PRSS23: variants seen among roughly 807,000 people sequenced by gnomAD.
PRSS23 encodes serine protease 23, also known as protease, serine 23.
Under a neutral mutation model 34.7 loss-of-function variants are expected in PRSS23, and 25 were observed. The observed-to-expected ratio is 0.72, with a 90% confidence interval of 0.53 to 1.01. PRSS23 has a LOEUF of 1.01. PRSS23 is among the 50% of genes least tolerant of loss of function. The probability of loss-of-function intolerance (pLI) is 0.00; values close to 1 mark genes in which losing one functional copy is unlikely to be tolerated. For synonymous variants in PRSS23, 176 were observed against 186.6 expected (o/e 0.94, Z 0.46); for missense variants, 445 against 475.6 (o/e 0.94, Z 0.60).
intron 2 of PRSS23, chr11:86,939,205 G>C (rs940107511): frequency 1.0e-5 from 3 of 298,410 alleles, no homozygotes; most frequent in Non-Finnish European, 2.0e-5. Flanking sequence ...TGTAAGGAGT[G>C]TGTTTTCTCC....
At chr11:86,857,973 C>G (rs535718405) in intron 2 of PRSS23, 4 of 356,786 alleles carry the variant, frequency 1.1e-5, no homozygotes, top group African/African-American at 8.6e-5. Context: ...GGGTTGTACA[C>G]GCCTTCTGGG....
At chr11:86,832,724 G>T (rs1948369228) in intron 2 of PRSS23, 3 of 305,964 alleles carry the variant, frequency 9.8e-6, no homozygotes, top group South Asian at 9.5e-5. Flanking sequence ...AACTGACAGG[G>T]GAGACCCACA....
At chr11:86,863,853 C>A (rs955468603) in intron 2 of PRSS23, among the ~76,000 whole-genome samples, 2 of 152,202 alleles carry the variant, frequency 1.3e-5, no homozygotes, top group Non-Finnish European at 2.9e-5. Flanking sequence ...TATTAAAGAG[C>A]AAGGCTGCAT....
At chr11:86,931,623 G>A (rs1444180096) in intron 2 of PRSS23, among the ~76,000 whole-genome samples, 2 of 152,150 alleles carry the variant, frequency 1.3e-5, no homozygotes, top group East Asian at 3.8e-4. Context: ...ATTCTGGGGC[G>A]ATGGAAATAT....
intron 1 of PRSS23, among the ~76,000 whole-genome samples, chr11:86,818,819 C>A (rs560018163): frequency 6.6e-6 from 1 of 152,204 alleles, no homozygotes; most frequent in African/African-American, 2.4e-5. Context: ...GGGTGAGCAA[C>A]GTGCAAAGTG....
chr11:86,852,030 G>A (rs1177377764), intron 2 of PRSS23, among the ~76,000 whole-genome samples: 1 of 152,134 alleles, frequency 6.6e-6, no homozygotes, highest in Non-Finnish European at 1.5e-5. Flanking sequence ...TCTGCCCACT[G>A]CACTCTCCTG....
chr11:86,844,953 G>A (rs1320121544), intron 2 of PRSS23, among the ~76,000 whole-genome samples: 1 of 152,160 alleles, frequency 6.6e-6, no homozygotes, highest in Admixed American at 6.5e-5. Flanking sequence ...GCTGGCCATA[G>A]TGGTGCATAC....
At chr11:86,952,482 A>G in exon 3 of PRSS23, 1 of 1,610,248 alleles carries the variant, frequency 6.2e-7, no homozygotes, top group South Asian at 1.1e-5. Flanking sequence ...TGGAAAAGTA[A>G]CAAAATGAAC....
At chr11:86,844,555 C>T (rs1590890759) in intron 2 of PRSS23, among the ~76,000 whole-genome samples, 1 of 152,272 alleles carries the variant, frequency 6.6e-6, no homozygotes, top group African/African-American at 2.4e-5. Flanking sequence ...ATGTGAAAGT[C>T]TAAAATGTGT....
exon 3 of PRSS23, chr11:86,951,576 G>A: frequency 6.2e-7 from 1 of 1,614,072 alleles, no homozygotes; most frequent in Non-Finnish European, 8.5e-7. Context: ...GTAAAGAGGG[G>A]AGCCACCACG....
At chr11:86,870,163 G>T (rs1436529471) in intron 2 of PRSS23, among the ~76,000 whole-genome samples, 1 of 152,032 alleles carries the variant, frequency 6.6e-6, no homozygotes, top group African/African-American at 2.4e-5. Context: ...CAGAGGGCAG[G>T]CTTGGATGGA....
intron 2 of PRSS23, among the ~76,000 whole-genome samples, chr11:86,824,004 T>TAAA (rs1948276238): frequency 2.6e-5 from 1 of 38,820 alleles, no homozygotes; most frequent in African/African-American, 1.4e-4. Context: ...AGACTCCGTC[T>TAAA]CAAAAAAAAA....
chr11:86,859,508 G>C (rs1423791798), intron 2 of PRSS23, among the ~76,000 whole-genome samples: 2 of 151,956 alleles, frequency 1.3e-5, no homozygotes, highest in Non-Finnish European at 2.9e-5. Flanking sequence ...TCCAGGGGGA[G>C]AGTTGAAGAT....
rs1948160889 is a variant in PRSS23 at position 86,810,114 on chromosome 11, A to G, written c.*1319A>G. ...TGCCTTCCAATAAAGGCCTTTACACATGTTTTATCAATATGATTATCAAAT... is the reference window on the plus strand; with the variant it reads ...TGCCTTCCAATAAAGGCCTTTACACGTGTTTTATCAATATGATTATCAAAT... On this transcript the variant is annotated 3_prime_UTR_variant, in exon 2 of 2. Coordinates refer to ENST00000280258, the MANE Select transcript of PRSS23 (RefSeq NM_007173.6). 6.0e-6 allele frequency: 1 copy of G among 165,790 alleles called. No individual in the cohort carries two copies. 10.3% of individuals were successfully genotyped at this position (165,790 alleles called of 1,614,324 possible). A position where few individuals can be genotyped will look rare whatever the true frequency, so the allele number is the denominator to read the frequency against.
At chr11:86,882,914 A>G (rs977239543) in intron 2 of PRSS23, among the ~76,000 whole-genome samples, 2 of 152,056 alleles carry the variant, frequency 1.3e-5, no homozygotes, top group Non-Finnish European at 2.9e-5. Flanking sequence ...GTGAGATGGT[A>G]TCTCATTGTG....
downstream of PRSS23, among the ~76,000 whole-genome samples, chr11:86,815,682 G>A (rs575172735): frequency 6.6e-6 from 1 of 152,312 alleles, no homozygotes; most frequent in South Asian, 2.1e-4. Flanking sequence ...GTTCTTCTGT[G>A]TCTTCCCTTA....
rs576200436 is a variant in PRSS23, at chr11:86,852,858, G to A, written c.206+29265G>A. Among the ~76,000 whole-genome samples the A allele has an allele frequency of 4.6e-4, 70 of 151,460 alleles. 2 individuals are homozygous for A. In the South Asian group the frequency reaches 0.014, roughly 31 times the overall value. The stretch of plus-strand genomic sequence containing the variant: ...GAATCACACCATGTTTTGTTTGTTT[G>A]TTTGTTTGTTTTGGAGACAGAATCT... On this transcript the variant is annotated intron_variant, in intron 2 of 2. Transcript: ENST00000533902.
intron 1 of PRSS23, among the ~76,000 whole-genome samples, chr11:86,822,873 T>A (rs1479034098): frequency 1.3e-5 from 2 of 152,196 alleles, no homozygotes; most frequent in Non-Finnish European, 2.9e-5. Context: ...GGTGTTTCCT[T>A]CTGCCTCTTA....
At chr11:86,829,504 T>A (rs924964270) in intron 2 of PRSS23, among the ~76,000 whole-genome samples, 1 of 152,256 alleles carries the variant, frequency 6.6e-6, no homozygotes, top group Non-Finnish European at 1.5e-5. Flanking sequence ...AGTCATTCTC[T>A]GTCCAGCTTT....
Sources: allele counts gnomAD v4.1 joint callset (sites outside exome capture counted in the v4.1 genomes callset), GRCh38; gene constraint gnomAD v4.1.1; transcripts MANE v1.5; gene names NCBI Gene and HGNC (gene_info 2026-07-23, HGNC 2026-07-21).